The following TENM4 variants were observed in gnomAD, a reference collection of about 807,000 sequenced individuals.
TENM4 encodes the protein teneurin-4.
In TENM4, 82 loss-of-function variants were observed where a neutral mutation model predicts 243.3. That is an observed-to-expected ratio of 0.34 (90% confidence interval 0.28 to 0.40). TENM4 has a LOEUF of 0.40. Ranked by LOEUF, TENM4 falls within the 10% of genes least tolerant of loss-of-function variation. The probability of loss-of-function intolerance (pLI) is 1.00; values close to 1 mark genes in which losing one functional copy is unlikely to be tolerated. For missense variants in TENM4, 3,138 were observed against 3,673.3 expected, an observed-to-expected ratio of 0.85 and a Z score of 3.77; for synonymous variants, 1,412 against 1,456.3, an observed-to-expected ratio of 0.97 and a Z score of 0.69.
At chr11:79,360,968 A>G (rs1441886973) in intron 1 of TENM4, among the ~76,000 whole-genome samples, 2 of 152,206 alleles carry the variant, frequency 1.3e-5, no homozygotes, top group Non-Finnish European at 2.9e-5. Context: ...CAGACTGGTC[A>G]TATTACAGAG....
chr11:79,130,563 C>T (rs11237724), intron 4 of TENM4, among the ~76,000 whole-genome samples: 57,242 of 151,928 alleles, frequency 0.38, 12,181 homozygotes, highest in Middle Eastern at 0.5. Context: ...GTGGCTCATG[C>T]CTGTAATCCC....
chr11:79,241,188 G>T (rs1590819257), intron 2 of TENM4, among the ~76,000 whole-genome samples: 2 of 151,924 alleles, frequency 1.3e-5, no homozygotes, highest in South Asian at 4.2e-4. Flanking sequence ...AGGCCTCCTG[G>T]GTTTAGACAA....
At chr11:78,830,727 G>A (rs1271071522) in intron 12 of TENM4, among the ~76,000 whole-genome samples, 2 of 152,108 alleles carry the variant, frequency 1.3e-5, no homozygotes, top group Non-Finnish European at 2.9e-5. Context: ...CAGACCCTGG[G>A]GAAATCCCAA....
intron 2 of TENM4, among the ~76,000 whole-genome samples, chr11:79,237,638 C>T (rs1386426949): frequency 6.6e-6 from 1 of 152,202 alleles, no homozygotes. Flanking sequence ...GTTCGTACCA[C>T]TGCACTCCAG....
At chr11:78,888,612 T>C (rs1383592583) in intron 9 of TENM4, among the ~76,000 whole-genome samples, 1 of 152,238 alleles carries the variant, frequency 6.6e-6, no homozygotes, top group African/African-American at 2.4e-5. Context: ...TGGCCCATGT[T>C]GTATTAATCA....
rs945099674 is a variant in TENM4, at chr11:78,686,389, C to G, written c.5260+1665G>C. ...TACCCTTGGTAATGTCCTTTATGAT[C>G]AACTGGTAAATGTAAGTATTTCTCT... is the stretch of plus-strand genomic sequence containing the variant. On this transcript the variant is annotated intron_variant, in intron 29 of 33. Coordinates refer to ENST00000278550, the MANE Select transcript of TENM4 (RefSeq NM_001098816.3). Among the ~76,000 whole-genome samples, 6 of 152,152 alleles carry G rather than the reference C, an allele frequency of 3.9e-5. No individual in the cohort carries two copies. In the South Asian group the frequency reaches 1.2e-3, roughly 32 times the overall value.
intron 4 of TENM4, among the ~76,000 whole-genome samples, chr11:79,148,369 C>T (rs975056747): frequency 2.0e-5 from 3 of 152,006 alleles, no homozygotes; most frequent in Admixed American, 6.6e-5. Context: ...AGATACCAAC[C>T]TCCAAACCAG....
intron 33 of TENM4, among the ~76,000 whole-genome samples, chr11:78,659,204 C>T (rs1857973732): frequency 6.6e-6 from 1 of 152,190 alleles, no homozygotes; most frequent in South Asian, 2.1e-4. Context: ...AAGAGAGGAA[C>T]TAGTAATAGC....
chr11:78,955,714 C>T (rs1015188995), intron 6 of TENM4, among the ~76,000 whole-genome samples: 5 of 152,162 alleles, frequency 3.3e-5, no homozygotes, highest in Admixed American at 6.5e-5. Context: ...CAAAACGTGA[C>T]CTGTTTATTT....
chr11:79,288,451 T>C (rs1168214013), intron 2 of TENM4, among the ~76,000 whole-genome samples: 3 of 152,228 alleles, frequency 2.0e-5, no homozygotes, highest in Non-Finnish European at 2.9e-5. Flanking sequence ...ACCTGTGGGA[T>C]TGAAAATCAA....
chr11:79,164,527 T>TAC (rs1475724515), intron 3 of TENM4, among the ~76,000 whole-genome samples: 2 of 122,700 alleles, frequency 1.6e-5, no homozygotes, highest in East Asian at 5.6e-4. Context: ...ACTATATATA[T>TAC]ACTATATAGT....
intron 15 of TENM4, among the ~76,000 whole-genome samples, chr11:78,800,304 G>A (rs1857254307): frequency 6.6e-6 from 1 of 152,210 alleles, no homozygotes; most frequent in Admixed American, 6.5e-5. Context: ...CAGCAGGCCT[G>A]CTCCCTAGGG....
chr11:79,375,007 T>C (rs1319945591), intron 1 of TENM4, among the ~76,000 whole-genome samples: 1 of 152,236 alleles, frequency 6.6e-6, no homozygotes, highest in South Asian at 2.1e-4. Context: ...GGGAATTCCA[T>C]GAGAAAGACT....
intron 6 of TENM4, among the ~76,000 whole-genome samples, chr11:78,961,773 T>C (rs1857327836): frequency 6.7e-6 from 1 of 148,178 alleles, no homozygotes; most frequent in Non-Finnish European, 1.5e-5. Flanking sequence ...TGGTGTTGCC[T>C]ATGTCTTAAC....
chr11:79,348,095 A>G (rs879892947), intron 1 of TENM4, among the ~76,000 whole-genome samples: 1 of 152,106 alleles, frequency 6.6e-6, no homozygotes, highest in Non-Finnish European at 1.5e-5. Context: ...ACTTCTTTTG[A>G]TAAGACTCAA....
chr11:79,244,510 C>G (rs780868307), intron 2 of TENM4, among the ~76,000 whole-genome samples: 2 of 151,828 alleles, frequency 1.3e-5, no homozygotes, highest in Non-Finnish European at 2.9e-5. Flanking sequence ...CGTGCAGAAC[C>G]AGGTGGTGAT....
intron 6 of TENM4, among the ~76,000 whole-genome samples, chr11:79,002,921 A>G (rs2136710504): frequency 6.6e-6 from 1 of 152,244 alleles, no homozygotes; most frequent in Middle Eastern, 3.4e-3. Context: ...ACAGGAGATG[A>G]AAGATAAAAT....
intron 12 of TENM4, among the ~76,000 whole-genome samples, chr11:78,846,646 A>G (rs897670467): frequency 1.3e-5 from 2 of 152,242 alleles, no homozygotes; most frequent in Non-Finnish European, 2.9e-5. Flanking sequence ...CTTCCACCTC[A>G]ATTACATGGG....
At chr11:79,358,760 T>G (rs1272592407) in intron 1 of TENM4, among the ~76,000 whole-genome samples, 1 of 141,756 alleles carries the variant, frequency 7.1e-6, no homozygotes, top group Admixed American at 7.1e-5. Flanking sequence ...CCTTTTTTCC[T>G]TCCTGACCTC....
Sources: gnomAD v4.1 joint callset for allele counts (sites outside exome capture counted in the v4.1 genomes callset) on GRCh38, gnomAD v4.1.1 for gene constraint, MANE v1.5 for transcripts, NCBI Gene and HGNC (gene_info 2026-07-23, HGNC 2026-07-21) for gene names.